AGBL4: variants seen among roughly 807,000 people sequenced by gnomAD.
AGBL4 encodes AGBL carboxypeptidase 4.
Under a neutral mutation model 66.4 loss-of-function variants are expected in AGBL4, and 58 were observed. The observed-to-expected ratio is 0.87, with a 90% CI of 0.71 to 1.09. AGBL4 has a LOEUF of 1.09. AGBL4 is among the 50% of genes least tolerant of loss of function. The probability of loss-of-function intolerance (pLI) is 0.00; values close to 1 mark genes in which losing one functional copy is unlikely to be tolerated. For missense variants in AGBL4, 579 were observed against 631.0 expected (o/e 0.92, Z 0.88); for synonymous variants, 234 against 222.9 (o/e 1.05, Z -0.44).
chr1:48,666,260 G>A (rs538429676), intron 6 of AGBL4, among the ~76,000 whole-genome samples: 28 of 152,068 alleles, frequency 1.8e-4, no homozygotes, highest in African/African-American at 6.8e-4. Context: ...TCCAGACTCT[G>A]TGCAAAGCCA....
intron 6 of AGBL4, among the ~76,000 whole-genome samples, chr1:48,863,513 A>C (rs570308960): frequency 4.4e-4 from 67 of 152,248 alleles, no homozygotes; most frequent in African/African-American, 1.6e-3. Flanking sequence ...TAAGCATGAA[A>C]GGCAAAGGTC....
At chr1:49,636,990 T>C (rs1645686116) in intron 3 of AGBL4, among the ~76,000 whole-genome samples, 2 of 152,124 alleles carry the variant, frequency 1.3e-5, no homozygotes, top group African/African-American at 4.8e-5. Flanking sequence ...CAGCTGCCAG[T>C]GCGGCTAGAA....
At chr1:48,899,280 C>T (rs72893766) in intron 5 of AGBL4, among the ~76,000 whole-genome samples, 1 of 152,332 alleles carries the variant, frequency 6.6e-6, no homozygotes, top group African/African-American at 2.4e-5. Flanking sequence ...ATCACAAGGC[C>T]ATAGGTTCTA....
intron 3 of AGBL4, among the ~76,000 whole-genome samples, chr1:49,492,545 G>T (rs1647214377): frequency 6.6e-6 from 1 of 151,894 alleles, no homozygotes; most frequent in South Asian, 2.1e-4. Context: ...GGACTTTATT[G>T]TGATTGCATC....
At chr1:49,593,180 G>A (rs1183189113) in intron 3 of AGBL4, among the ~76,000 whole-genome samples, 2 of 152,138 alleles carry the variant, frequency 1.3e-5, no homozygotes, top group Admixed American at 6.5e-5. Flanking sequence ...AGGCCAAGGC[G>A]GGTGGATCAC....
At chr1:49,237,282 A>T (rs1168627827) in intron 4 of AGBL4, among the ~76,000 whole-genome samples, 1 of 147,708 alleles carries the variant, frequency 6.8e-6, no homozygotes, top group East Asian at 2.0e-4. Context: ...AAAAAAAAAA[A>T]CCCCCCAAAA....
At chr1:49,045,847 A>G in intron 4 of AGBL4, 47 bp from the exon 5 acceptor site, 2 of 1,454,438 alleles carry the variant, frequency 1.4e-6, no homozygotes, top group Non-Finnish European at 1.9e-6. Context: ...ACATTCGTTC[A>G]AGCTTCAAAA....
chr1:49,312,159 G>A (rs915745953), intron 3 of AGBL4, among the ~76,000 whole-genome samples: 1 of 152,032 alleles, frequency 6.6e-6, no homozygotes, highest in Non-Finnish European at 1.5e-5. Context: ...ATTAAGAGGT[G>A]GCACCTTTAG....
intron 11 of AGBL4, among the ~76,000 whole-genome samples, chr1:48,553,992 C>T (rs564937798): frequency 9.1e-4 from 139 of 152,282 alleles, no homozygotes; most frequent in African/African-American, 3.2e-3. Context: ...TCTGCTGCAG[C>T]GGTCAAAGAA....
At chr1:49,381,252 C>G (rs1488648774) in intron 3 of AGBL4, among the ~76,000 whole-genome samples, 1 of 152,112 alleles carries the variant, frequency 6.6e-6, no homozygotes, top group Non-Finnish European at 1.5e-5. Context: ...AAAATGCTCA[C>G]CATCACTGGC....
At chr1:48,969,074 C>T (rs1236358918) in intron 5 of AGBL4, among the ~76,000 whole-genome samples, 1 of 149,966 alleles carries the variant, frequency 6.7e-6, no homozygotes, top group African/African-American at 2.4e-5. Flanking sequence ...TGGTCTCTTT[C>T]TCCCTCCCTC....
At chr1:49,383,823 TG>T (rs1359638491) in intron 3 of AGBL4, among the ~76,000 whole-genome samples, 1 of 151,482 alleles carries the variant, frequency 6.6e-6, no homozygotes, top group African/African-American at 2.4e-5. Context: ...TTTGAGATGG[TG>T]TCTTGCTCTG....
intron 3 of AGBL4, among the ~76,000 whole-genome samples, chr1:49,565,534 A>G (rs996950210): frequency 2.0e-5 from 3 of 152,096 alleles, no homozygotes; most frequent in Non-Finnish European, 2.9e-5. Context: ...GCTTGTCTGT[A>G]AAGGATTTTA....
intron 3 of AGBL4, among the ~76,000 whole-genome samples, chr1:49,600,576 G>A (rs952484478): frequency 6.6e-6 from 1 of 152,176 alleles, no homozygotes; most frequent in Non-Finnish European, 1.5e-5. Flanking sequence ...TTGCCAGTCT[G>A]TGTATTTTAA....
At chr1:49,054,533 CT>C (rs927654825) in intron 4 of AGBL4, among the ~76,000 whole-genome samples, 2 of 151,822 alleles carry the variant, frequency 1.3e-5, no homozygotes, top group Non-Finnish European at 2.9e-5. Context: ...ATCAACAAAC[CT>C]ATGGAGTAAA....
At chr1:49,069,006 T>G (rs983385139) in intron 4 of AGBL4, among the ~76,000 whole-genome samples, 2 of 152,244 alleles carry the variant, frequency 1.3e-5, no homozygotes, top group African/African-American at 4.8e-5. Flanking sequence ...TTTTCATGTT[T>G]CTGTTGGCTG....
At position 48,762,614 on chromosome 1, in the gene AGBL4, TTGTGTGTGTGTGTGTGTG is replaced by T. The variant is rs58396843; in HGVS notation, c.635-99391_635-99374del. On this transcript the variant is annotated intron_variant, in intron 6 of 13. Transcript: ENST00000371839. Reference sequence around the variant, plus strand: ...TAGTTAAATCCAGTCTTTAAGGGTTTTGTGTGTGTGTGTGTGTGTGTGTGTGTGTGTGTGTGTGTGTGT... The same window carrying T: ...TAGTTAAATCCAGTCTTTAAGGGTTTTGTGTGTGTGTGTGTGTGTGTGTGT... Among the ~76,000 whole-genome samples, 9 of 75,180 alleles carry T rather than the reference TTGTGTGTGTGTGTGTGTG, an allele frequency of 1.2e-4. No individual in the cohort carries two copies. The South Asian group carries it at 5.1e-3, about 43-fold the overall frequency. 49.3% of individuals were successfully genotyped at this position (75,180 alleles called of 152,430 possible).
chr1:49,833,712 C>T (rs1037797411), intron 2 of AGBL4, among the ~76,000 whole-genome samples: 10 of 152,212 alleles, frequency 6.6e-5, no homozygotes, highest in East Asian at 3.9e-4. Flanking sequence ...CCTTCACGTC[C>T]GTTGTAAGTT....
chr1:49,387,302 C>T (rs965001495), intron 3 of AGBL4, among the ~76,000 whole-genome samples: 1 of 151,892 alleles, frequency 6.6e-6, no homozygotes, highest in Admixed American at 6.6e-5. Context: ...CACCACTCCC[C>T]TTTTTTGTTG....
Sources: allele counts gnomAD v4.1 joint callset (sites outside exome capture counted in the v4.1 genomes callset), GRCh38; gene constraint gnomAD v4.1.1; transcripts MANE v1.5; gene names NCBI Gene and HGNC (gene_info 2026-07-23, HGNC 2026-07-21).